Variants in COL4A6 observed in about 807,000 individuals in gnomAD.
COL4A6 encodes collagen type IV alpha 6 chain, also known as collagen alpha-6(IV) chain.
In COL4A6, 59 loss-of-function variants were observed where a neutral mutation model predicts 126.7. That is an observed-to-expected ratio of 0.47 (90% CI 0.38 to 0.58). The LOEUF is 0.58. Among genes scored for constraint, COL4A6 ranks in the 20% least tolerant of loss-of-function variants. The probability of loss-of-function intolerance (pLI) is 0.00; values close to 1 mark genes in which losing one functional copy is unlikely to be tolerated. For synonymous variants in COL4A6, 547 were observed against 496.6 expected (o/e 1.10, Z -1.35); for missense variants, 1,285 against 1,337.3 (o/e 0.96, Z 0.61).
intron 2 of COL4A6, among the ~76,000 whole-genome samples, chrX:108,312,636 T>C (rs1569420847): frequency 8.9e-6 from 1 of 112,250 alleles, no homozygotes; most frequent in East Asian, 2.8e-4. Context: ...GGATAATTTG[T>C]ATTTCCTTCT....
chrX:108,320,774 G>A (rs7888677), intron 2 of COL4A6, among the ~76,000 whole-genome samples: 40,779 of 110,819 alleles, frequency 0.37, 6,637 homozygotes, highest in East Asian at 0.72. Context: ...ACAGCATAAT[G>A]AAACTATCCC....
intron 31 of COL4A6, among the ~76,000 whole-genome samples, chrX:108,173,507 C>A (rs1489046070): frequency 1.8e-5 from 2 of 110,182 alleles, no homozygotes; most frequent in Admixed American, 1.9e-4. Flanking sequence ...TGCACGCACA[C>A]ACCAAGTTCT....
intron 2 of COL4A6, among the ~76,000 whole-genome samples, chrX:108,435,497 T>C (rs1386553074): frequency 8.9e-6 from 1 of 111,936 alleles, no homozygotes; most frequent in Non-Finnish European, 1.9e-5. Context: ...AATCTTTGCA[T>C]GCTGTGCGTG....
At chrX:108,301,800 C>A (rs1404900215) in intron 3 of COL4A6, among the ~76,000 whole-genome samples, 1 of 111,665 alleles carries the variant, frequency 9.0e-6, no homozygotes, top group African/African-American at 3.3e-5. Context: ...AGGGCTGGAT[C>A]CAACCTTCCA....
chrX:108,412,012 A>G (rs2041341626), intron 2 of COL4A6, among the ~76,000 whole-genome samples: 1 of 111,184 alleles, frequency 9.0e-6, no homozygotes. Flanking sequence ...AGACTAAAAT[A>G]GGGATTTTCA....
intron 2 of COL4A6, among the ~76,000 whole-genome samples, chrX:108,390,989 C>G (rs112131169): frequency 1.2e-3 from 138 of 111,379 alleles, no homozygotes; most frequent in African/African-American, 4.1e-3. Flanking sequence ...TGCAGGTCTG[C>G]TGGAGTTTGC....
Position 108,188,533 on chromosome X carries a change from C to T in COL4A6, c.1571G>A (p.Gly524Asp). Residue 524 changes from glycine (G) to aspartate (D), a missense_variant, in exon 21 of 45, where the codon GGC (glycine) becomes GAC (aspartate). Coordinates refer to ENST00000334504, the MANE Select transcript of COL4A6 (RefSeq NM_033641.4). ...AAGACTTACTGGAGCCCCTGCTGGG[C>T]CCTGTGCACCCCCAGAGCCTCGATC... ...RGDRGSGGAQ[G>D]PAGAPGLVGP... is the part of the protein sequence containing the mutation. The T allele has an allele frequency of 8.8e-7, 1 of 1,139,184 alleles. No homozygotes were observed. Among genetic ancestry groups the T allele is most frequent in the Non-Finnish European group, 1.2e-6 (1 of 860,205 alleles). The allele number at this position is 1,139,184 out of a possible 1,213,427, so 93.9% of individuals were successfully genotyped here. A position where few individuals can be genotyped will look rare whatever the true frequency, so the allele number is the denominator to read the frequency against.
intron 2 of COL4A6, among the ~76,000 whole-genome samples, chrX:108,320,062 A>G (rs2038989508): frequency 8.9e-6 from 1 of 111,990 alleles, no homozygotes; most frequent in Admixed American, 9.4e-5. Flanking sequence ...TGATGTGGTA[A>G]TGGAAGCATG....
chrX:108,195,190 TATATA>T, intron 14 of COL4A6, 64 bp from the exon 15 acceptor site: 2 of 895,051 alleles, frequency 2.2e-6, no homozygotes, highest in Non-Finnish European at 3.2e-6. Flanking sequence ...CCACTAGACT[TATATA>T]ACAAAGTTAT....
intron 3 of COL4A6, among the ~76,000 whole-genome samples, chrX:108,285,240 T>C (rs2037975173): frequency 1.8e-5 from 2 of 111,454 alleles, no homozygotes; most frequent in African/African-American, 6.5e-5. Context: ...AGAATCTTCC[T>C]CTGAAGTCAC....
intron 2 of COL4A6, among the ~76,000 whole-genome samples, chrX:108,331,033 G>T (rs754272776): frequency 5.7e-4 from 64 of 111,671 alleles, no homozygotes; most frequent in African/African-American, 1.9e-3. Context: ...CATGTGTAAA[G>T]GACATCATGA....
intron 2 of COL4A6, among the ~76,000 whole-genome samples, chrX:108,421,540 A>G (rs1321807950): frequency 4.4e-5 from 5 of 112,384 alleles, no homozygotes; most frequent in African/African-American, 1.6e-4. Context: ...CTGGTTAGAT[A>G]GAAAGCTAGA....
intron 7 of COL4A6, 83 bp from the exon 8 acceptor site, chrX:108,210,087 A>G: frequency 1.0e-6 from 1 of 973,030 alleles, no homozygotes; most frequent in Admixed American, 2.5e-5. Flanking sequence ...ATTTATAGGG[A>G]CAAAAACACA....
At chrX:108,340,858 G>A (rs1216166358) in intron 2 of COL4A6, among the ~76,000 whole-genome samples, 2 of 105,138 alleles carry the variant, frequency 1.9e-5, no homozygotes, top group East Asian at 3.0e-4. Flanking sequence ...GAATGGACAG[G>A]AGGGCAGGTC....
chrX:108,300,384 G>C (rs1172504023), intron 3 of COL4A6, among the ~76,000 whole-genome samples: 2 of 109,539 alleles, frequency 1.8e-5, no homozygotes, highest in African/African-American at 6.7e-5. Context: ...GTGTGTGTGT[G>C]TGTGTGTGTG....
chrX:108,310,393 T>C (rs2038732989), intron 3 of COL4A6, among the ~76,000 whole-genome samples: 1 of 112,086 alleles, frequency 8.9e-6, no homozygotes, highest in Non-Finnish European at 1.9e-5. Flanking sequence ...GGAACACCTG[T>C]TCCCCAGACT....
In COL4A6 at chrX:108,200,807, C is replaced by A. The variant is rs991752184; in HGVS notation, c.834+2121G>T. Among the ~76,000 whole-genome samples, 3 of 111,951 alleles carry A rather than the reference C, an allele frequency of 2.7e-5. No individual in the cohort carries two copies. The Admixed American group carries it at 2.8e-4, about 11-fold the overall frequency. On this transcript the variant is annotated intron_variant, in intron 13 of 44. Coordinates refer to ENST00000334504, the MANE Select transcript of COL4A6 (RefSeq NM_033641.4). ...ATAAATGTTTGTGGTCATGGATATC[C>A]TAAATACCCTAACTTCACCATTACA...
At chrX:108,163,188 G>A in intron 40 of COL4A6, 150 bp from the exon 41 acceptor site, 1 of 464,368 alleles carries the variant, frequency 2.2e-6, no homozygotes, top group East Asian at 4.2e-5. Flanking sequence ...ATGGCACTGT[G>A]TGATATTATA....
intron 2 of COL4A6, among the ~76,000 whole-genome samples, chrX:108,355,801 A>G (rs988328642): frequency 3.6e-4 from 40 of 112,224 alleles, no homozygotes; most frequent in African/African-American, 1.2e-3. Flanking sequence ...TAACAAAATC[A>G]GCAGATAATT....
Sources: allele counts gnomAD v4.1 joint callset (sites outside exome capture counted in the v4.1 genomes callset), GRCh38; gene constraint gnomAD v4.1.1; transcripts MANE v1.5; gene names NCBI Gene and HGNC (gene_info 2026-07-23, HGNC 2026-07-21).